The following TLK1 variants were observed in gnomAD, a reference collection of about 807,000 sequenced individuals.
TLK1 encodes the protein tousled like kinase 1.
A neutral mutation model predicts 105.3 loss-of-function variants in TLK1; 24 were observed. That is an observed-to-expected ratio of 0.23 (90% CI 0.17 to 0.32). The LOEUF (loss-of-function observed/expected upper bound fraction) is 0.32, where lower values mean the gene tolerates loss of function less well. TLK1 is among the 10% of genes least tolerant of loss of function. The pLI is 1.00. For synonymous variants in TLK1, 321 were observed against 310.4 expected, an observed-to-expected ratio of 1.03 and a Z score of -0.36; for missense variants, 558 against 910.5, an observed-to-expected ratio of 0.61 and a Z score of 4.98.
intron 3 of TLK1, among the ~76,000 whole-genome samples, chr2:171,073,959 C>T (rs1229278570): frequency 1.4e-5 from 2 of 142,814 alleles, no homozygotes; most frequent in East Asian, 2.3e-4. Flanking sequence ...GGTGCAATCT[C>T]GGCTCACTGC....
intron 1 of TLK1, among the ~76,000 whole-genome samples, chr2:171,183,448 C>T (rs1282159537): frequency 1.3e-5 from 2 of 152,066 alleles, no homozygotes; most frequent in Non-Finnish European, 2.9e-5. Flanking sequence ...TTATTAGTTA[C>T]TTTTATTTTT....
At chr2:170,994,716 G>A (rs1261408749) in intron 20 of TLK1, 1 of 517,392 alleles carries the variant, frequency 1.9e-6, no homozygotes, top group Non-Finnish European at 3.9e-6. Context: ...GTCGAACCTG[G>A]GTTAACCTTT....
chr2:171,068,894 A>T (rs7593193), intron 3 of TLK1, among the ~76,000 whole-genome samples: 86,495 of 152,052 alleles, frequency 0.57, 26,695 homozygotes, highest in East Asian at 0.95. Flanking sequence ...TGAGAATCTT[A>T]AAGAAAATTC....
At chr2:171,106,763 A>G (rs2105513300) in intron 2 of TLK1, among the ~76,000 whole-genome samples, 1 of 152,352 alleles carries the variant, frequency 6.6e-6, no homozygotes, top group South Asian at 2.1e-4. Context: ...CAAGCACATT[A>G]TCATCATCAC....
chr2:171,117,190 G>C (rs1481123201), intron 2 of TLK1, among the ~76,000 whole-genome samples: 1 of 152,290 alleles, frequency 6.6e-6, no homozygotes, highest in South Asian at 2.1e-4. Context: ...ATTCTCATAA[G>C]GAGTGCACAA....
chr2:171,036,256 C>T (rs539813154), intron 11 of TLK1, among the ~76,000 whole-genome samples: 5 of 152,242 alleles, frequency 3.3e-5, no homozygotes, highest in Admixed American at 1.3e-4. Flanking sequence ...ACCAGCCTGA[C>T]CAGCATGGTG....
intron 1 of TLK1, among the ~76,000 whole-genome samples, chr2:171,179,701 T>C (rs1047276529): frequency 2.0e-5 from 3 of 152,304 alleles, no homozygotes; most frequent in Admixed American, 1.3e-4. Context: ...CTCATACCTG[T>C]AATCCCAGCA....
At chr2:171,041,120 G>A (rs1405654061) in intron 11 of TLK1, among the ~76,000 whole-genome samples, 1 of 152,102 alleles carries the variant, frequency 6.6e-6, no homozygotes, top group Non-Finnish European at 1.5e-5. Context: ...ACTTTATCTA[G>A]AGATAGTATT....
rs113146036 is a variant in TLK1, at chr2:171,169,051, C to G, written c.-5-51194G>C. ...CGAGATCTCGCCACTGCACTCCAGC[C>G]TGGGCAACAGAGTGAGACCCTTTCT... On this transcript the variant is annotated intron_variant, in intron 1 of 20. Transcript: ENST00000521943. 8.9e-3 allele frequency among the ~76,000 whole-genome samples: 1,356 copies of G among 151,650 alleles called. 20 individuals carry two copies. The highest frequency in any genetic ancestry group is 0.03 in the African/African-American group (1,234 of 41,316).
At position 171,109,574 on chromosome 2, in the gene TLK1, T is replaced by C. The variant is rs562284692; in HGVS notation, c.258+8165A>G. Among the ~76,000 whole-genome samples, 3 of 152,354 alleles carry C rather than the reference T, an allele frequency of 2.0e-5. No homozygotes were observed. The Middle Eastern group carries it at 0.01, about 518-fold the overall frequency. On this transcript the variant is annotated intron_variant, in intron 2 of 20. Transcript: ENST00000431350. The stretch of plus-strand genomic sequence containing the variant: ...GGATGCAGAACAATCAAAGTTCTTA[T>C]ACAGGTACAAACACTTTGGAAATCT...
At chr2:171,064,702 T>C (rs1687909025) in intron 3 of TLK1, among the ~76,000 whole-genome samples, 1 of 152,132 alleles carries the variant, frequency 6.6e-6, no homozygotes, top group Admixed American at 6.5e-5. Flanking sequence ...AGCTCCAATA[T>C]ACAATGAAAC....
intron 1 of TLK1, among the ~76,000 whole-genome samples, chr2:171,136,332 A>G (rs1691322887): frequency 6.6e-6 from 1 of 152,232 alleles, no homozygotes; most frequent in Admixed American, 6.5e-5. Flanking sequence ...GGGAATTAGA[A>G]AGTTGTTTAA....
intron 11 of TLK1, among the ~76,000 whole-genome samples, chr2:171,044,317 C>T (rs1686835150): frequency 6.6e-6 from 1 of 152,080 alleles, no homozygotes. Context: ...AAGGTGACAA[C>T]TAGAATTCTT....
chr2:171,119,897 T>C (rs1390410826), intron 1 of TLK1, among the ~76,000 whole-genome samples: 4 of 152,192 alleles, frequency 2.6e-5, no homozygotes, highest in Non-Finnish European at 4.4e-5. Context: ...TAAAGCTTCA[T>C]GGCACTGAAT....
At chr2:171,036,859 C>T (rs1040827178) in intron 11 of TLK1, among the ~76,000 whole-genome samples, 7 of 152,068 alleles carry the variant, frequency 4.6e-5, no homozygotes, top group Non-Finnish European at 7.4e-5. Context: ...TGAATGTACT[C>T]TGCATGTGGA....
chr2:171,208,092 C>G (rs1193728279), intron 1 of TLK1, among the ~76,000 whole-genome samples: 1 of 152,138 alleles, frequency 6.6e-6, no homozygotes, highest in Non-Finnish European at 1.5e-5. Context: ...GCTCTCTAAC[C>G]TAAATTAGTC....
chr2:171,115,521 G>A (rs1235477993), intron 2 of TLK1, among the ~76,000 whole-genome samples: 4 of 152,054 alleles, frequency 2.6e-5, no homozygotes, highest in Admixed American at 2.0e-4. Context: ...GTAGTCTAAT[G>A]TTAGCTTTCA....
At chr2:171,159,293 C>G (rs1692357132) in intron 1 of TLK1, among the ~76,000 whole-genome samples, 1 of 152,198 alleles carries the variant, frequency 6.6e-6, no homozygotes, top group Admixed American at 6.5e-5. Flanking sequence ...TTTTTCCAGA[C>G]TAAAGAGCGT....
rs930357717 is a variant in TLK1 at position 171,160,870 on chromosome 2, C to G, written c.-442G>C. On this transcript the variant is annotated 5_prime_UTR_variant, in exon 1 of 21. Transcript: ENST00000431350. The surrounding 1 kb of genome is among the most constrained non-coding windows in gnomAD (Gnocchi z 4.4). The stretch of plus-strand genomic sequence containing the variant: ...GGCGGCGGCGGGCTGTGGGTGGCGG[C>G]TGAGGCGGTGGGGTAACCTCTGCAT... The G allele has an allele frequency of 3.3e-6, 1 of 301,246 alleles. No individual in the cohort carries two copies. The highest frequency in any genetic ancestry group is 6.0e-6 in the Non-Finnish European group (1 of 166,932). The allele number at this position is 301,246 out of a possible 1,614,324, so 18.7% of individuals were successfully genotyped here.
Sources: gnomAD v4.1 joint callset for allele counts (sites outside exome capture counted in the v4.1 genomes callset) on GRCh38, gnomAD v4.1.1 for gene constraint, Gnocchi (gnomAD v3.1) non-coding constraint, MANE v1.5 for transcripts, NCBI Gene and HGNC (gene_info 2026-07-23, HGNC 2026-07-21) for gene names.